BTC: variants seen among roughly 807,000 people sequenced by gnomAD.
The protein encoded by BTC is probetacellulin.
A neutral mutation model predicts 18.1 loss-of-function variants in BTC; 13 were observed. That is an observed-to-expected ratio of 0.72 (90% CI 0.47 to 1.14). The LOEUF is 1.14. Among genes scored for constraint, BTC ranks in the 50% most tolerant of loss-of-function variants. The probability of loss-of-function intolerance (pLI) is 0.00; values close to 1 mark genes in which losing one functional copy is unlikely to be tolerated. For missense variants in BTC, 247 were observed against 224.2 expected (o/e 1.10, Z -0.65); for synonymous variants, 83 against 79.4 (o/e 1.05, Z -0.24).
At chr4:74,749,692 T>G (rs1454289697) in intron 4 of BTC, among the ~76,000 whole-genome samples, 3 of 94,280 alleles carry the variant, frequency 3.2e-5, no homozygotes, top group Non-Finnish European at 7.8e-5. Flanking sequence ...TTTTTTGTTG[T>G]TGTTGTTGTT....
intron 2 of BTC, among the ~76,000 whole-genome samples, chr4:74,760,221 T>G (rs1425653478): frequency 6.6e-6 from 1 of 152,192 alleles, no homozygotes; most frequent in Non-Finnish European, 1.5e-5. Context: ...TATCTCCAGC[T>G]CCGTAGTTAG....
At chr4:74,762,405 C>T (rs373430133) in intron 2 of BTC, among the ~76,000 whole-genome samples, 2 of 152,084 alleles carry the variant, frequency 1.3e-5, no homozygotes, top group Admixed American at 6.5e-5. Flanking sequence ...AATGTAGGTA[C>T]GCCATAGGAT....
intron 3 of BTC, among the ~76,000 whole-genome samples, chr4:74,753,828 A>T (rs77384749): frequency 0.36 from 23,433 of 64,532 alleles, 2,281 homozygotes; most frequent in Middle Eastern, 0.42. Context: ...CCAAAAAAAG[A>T]AAAAAAAAAT....
At position 74,748,058 on chromosome 4, in the gene BTC, C is replaced by T. The variant is rs1560707045; in HGVS notation, c.520G>A (p.Glu174Lys). Residue 174 changes from glutamate (E) to lysine (K), a missense_variant, in exon 5 of 6, where the codon GAG (glutamate) becomes AAG (lysine). Transcript: ENST00000395743. ...CACTTACTTTAAGCAATATTTGTCT[C>T]TTCAATATCTTCATTGATAGGAGTT... Reference protein sequence around the residue: ...DITPINEDIEETNIA With the variant: ...DITPINEDIEKTNIA The T allele has an allele frequency of 1.3e-6, 2 of 1,593,556 alleles. No homozygotes were observed. Among genetic ancestry groups the T allele is most frequent in the Admixed American group, 1.7e-5 (1 of 59,060 alleles).
chr4:74,770,213 G>T, intron 1 of BTC, 57 bp from the exon 2 acceptor site: 2 of 1,338,334 alleles, frequency 1.5e-6, no homozygotes, highest in Non-Finnish European at 2.1e-6. Context: ...TTGTGAAACA[G>T]TCTATCAAAG....
chr4:74,770,019 T>G, intron 2 of BTC, 39 bp downstream of exon 2: 1 of 1,515,972 alleles, frequency 6.6e-7, no homozygotes, highest in Non-Finnish European at 9.1e-7. Flanking sequence ...ATCAGAAAAT[T>G]AAAACTCAGA....
chr4:74,754,398 A>T (rs1489880063), intron 3 of BTC, among the ~76,000 whole-genome samples: 1 of 152,180 alleles, frequency 6.6e-6, no homozygotes, highest in Non-Finnish European at 1.5e-5. Flanking sequence ...AGAAACCACC[A>T]GTTATGCTCC....
chr4:74,759,105 C>G (rs976784211), intron 2 of BTC, among the ~76,000 whole-genome samples: 1 of 152,078 alleles, frequency 6.6e-6, no homozygotes, highest in Non-Finnish European at 1.5e-5. Flanking sequence ...TTCATGTTAT[C>G]TAAATATTGA....
At position 74,745,424 on chromosome 4, in the gene BTC, G is replaced by A. The variant is rs1393094011; in HGVS notation, c.*1253C>T. 2 of 152,198 alleles carry A rather than the reference G, an allele frequency of 1.3e-5. No individual in the cohort carries two copies. Among genetic ancestry groups the A allele is most frequent in the African/African-American group, 2.4e-5 (1 of 41,452 alleles). 9.4% of individuals were successfully genotyped at this position (152,198 alleles called of 1,614,324 possible). On this transcript the variant is annotated 3_prime_UTR_variant, in exon 6 of 6. Transcript: ENST00000395743. The stretch of plus-strand genomic sequence containing the variant: ...GCTGCTTGGCCGACAGGCACAAGTT[G>A]GGGGGCATCTTCCATCGATTTTTGT...
intron 1 of BTC, among the ~76,000 whole-genome samples, chr4:74,782,823 G>A (rs918803200): frequency 2.6e-5 from 4 of 152,080 alleles, no homozygotes; most frequent in Admixed American, 6.5e-5. Flanking sequence ...ATCTCATTGT[G>A]GTTTTGATTC....
rs764706855 is a variant in BTC at position 74,770,136 on chromosome 4, C to T, written c.85G>A (p.Val29Met). ...LALGLVILHCVVADGNSTRSP... is the reference protein window; with the variant it reads ...LALGLVILHCMVADGNSTRSP... The stretch of plus-strand genomic sequence containing the variant: ...CTGGTGGAATTCCCATCTGCCACCA[C>T]ACAGTGAAGGATCACTAGACCTTCA... Residue 29 changes from valine to methionine, a missense_variant, in exon 2 of 6, where the codon GTG (valine) becomes ATG (methionine). Physicochemically the swap from Val to Met is conservative, Grantham distance 21. Transcript: ENST00000395743. 2 of 1,612,918 alleles carry T rather than the reference C, an allele frequency of 1.2e-6. No homozygotes were observed. The highest frequency in any genetic ancestry group is 1.7e-5 in the Admixed American group (1 of 59,852).
At chr4:74,792,089 G>A (rs1725648918) in intron 1 of BTC, among the ~76,000 whole-genome samples, 2 of 151,890 alleles carry the variant, frequency 1.3e-5, no homozygotes, top group Admixed American at 6.6e-5. Flanking sequence ...TTTAGGAAGG[G>A]GACTTAAAAG....
At chr4:74,772,289 C>T (rs1033976114) in intron 1 of BTC, among the ~76,000 whole-genome samples, 13 of 152,254 alleles carry the variant, frequency 8.5e-5, no homozygotes, top group African/African-American at 2.9e-4. Context: ...TTGTGAATTG[C>T]AATTTGGCTA....
At chr4:74,779,190 T>C (rs1358061820) in intron 1 of BTC, among the ~76,000 whole-genome samples, 1 of 152,152 alleles carries the variant, frequency 6.6e-6, no homozygotes, top group African/African-American at 2.4e-5. Context: ...CTAAAACTGA[T>C]TGATAATACA....
intron 1 of BTC, among the ~76,000 whole-genome samples, chr4:74,782,191 G>T (rs760334589): frequency 3.3e-5 from 5 of 151,818 alleles, no homozygotes; most frequent in Non-Finnish European, 1.5e-5. Flanking sequence ...ATAGTGGTTT[G>T]CTACACACAT....
chr4:74,767,338 G>A (rs72867563), intron 2 of BTC, among the ~76,000 whole-genome samples: 3,774 of 151,808 alleles, frequency 0.025, 161 homozygotes, highest in African/African-American at 0.086. Flanking sequence ...ATTTACGATA[G>A]CATCAAAAAG....
chr4:74,751,207 T>A (rs915795314), intron 3 of BTC, among the ~76,000 whole-genome samples: 9 of 152,320 alleles, frequency 5.9e-5, no homozygotes, highest in African/African-American at 2.2e-4. Flanking sequence ...TAACACAATG[T>A]TCCATAAACG....
At chr4:74,776,182 T>TA (rs1055191149) in intron 1 of BTC, among the ~76,000 whole-genome samples, 2 of 151,124 alleles carry the variant, frequency 1.3e-5, no homozygotes, top group Non-Finnish European at 2.9e-5. Flanking sequence ...ATTTTTTTTT[T>TA]ACCTTAAGAA....
chr4:74,770,242 A>G, intron 1 of BTC, 86 bp from the exon 2 acceptor site: 1 of 1,048,440 alleles, frequency 9.5e-7, no homozygotes, highest in East Asian at 2.5e-5. Flanking sequence ...CATTTCACCC[A>G]TTTATGAAAA....
Sources: gnomAD v4.1 joint callset for allele counts (sites outside exome capture counted in the v4.1 genomes callset) on GRCh38, gnomAD v4.1.1 for gene constraint, MANE v1.5 for transcripts, NCBI Gene and HGNC (gene_info 2026-07-23, HGNC 2026-07-21) for gene names.